Variants in RABGAP1 observed in about 807,000 individuals in gnomAD.
RABGAP1 encodes the protein RAB GTPase activating protein 1, also known as rab GTPase-activating protein 1.
Under a neutral mutation model 137.6 loss-of-function variants are expected in RABGAP1, and 23 were observed. The observed-to-expected ratio is 0.17, with a 90% CI of 0.12 to 0.24. The LOEUF is 0.24. RABGAP1 is among the 10% of genes least tolerant of loss of function. The probability of loss-of-function intolerance (pLI) is 1.00; values close to 1 mark genes in which losing one functional copy is unlikely to be tolerated. For missense variants in RABGAP1, 906 were observed against 1,275.8 expected (o/e 0.71, Z 4.42); for synonymous variants, 451 against 450.7 (o/e 1.00, Z -0.01).
At chr9:123,033,300 C>G (rs1229329529) in intron 13 of RABGAP1, among the ~76,000 whole-genome samples, 1 of 152,082 alleles carries the variant, frequency 6.6e-6, no homozygotes. Context: ...AGAAATTACC[C>G]CTCTGGTAGT....
chr9:122,947,779 G>T (rs1349500276), intron 1 of RABGAP1, among the ~76,000 whole-genome samples: 1 of 152,138 alleles, frequency 6.6e-6, no homozygotes, highest in African/African-American at 2.4e-5. Context: ...AACGTAACCT[G>T]AAATTAATCA....
Position 123,073,758 on chromosome 9 carries a change from G to C in RABGAP1, c.2109+81G>C, listed in dbSNP as rs2034429736. On this transcript the variant is annotated intron_variant, in intron 16 of 25. Transcript: ENST00000373647. ...CAAATTGAGGAAATGGTGCCAGGGA[G>C]CATTGGTAATTGCCTTAGCGATCCG... 3 of 1,570,846 alleles carry C rather than the reference G, an allele frequency of 1.9e-6. No homozygotes were observed. In the South Asian group the frequency reaches 3.5e-5, roughly 18 times the overall value.
intron 2 of RABGAP1, among the ~76,000 whole-genome samples, chr9:122,958,632 G>A (rs958182159): frequency 6.6e-6 from 1 of 152,130 alleles, no homozygotes; most frequent in Admixed American, 6.5e-5. Flanking sequence ...TGTGGCACAT[G>A]TATACATATG....
In RABGAP1 at chr9:122,957,167, A is replaced by G. The variant is rs2131623214; in HGVS notation, c.108A>G (p.Pro36=). The G allele has an allele frequency of 6.4e-7, 1 of 1,570,782 alleles. No individual in the cohort carries two copies. Among genetic ancestry groups the G allele is most frequent in the Non-Finnish European group, 8.7e-7 (1 of 1,149,784 alleles). Residue 36 remains proline, a synonymous_variant, in exon 2 of 26, where the codon CCA becomes CCG. Coordinates refer to ENST00000373647, the MANE Select transcript of RABGAP1 (RefSeq NM_012197.4). ...TTTCCAGGCAAGGAGATGAGACACC[A>G]TCTACAAATAATGGAAGTGATGATG... ...VLVSRQGDET[P]STNNGSDDEK...
At chr9:123,000,091 A>T (rs1837241555) in intron 10 of RABGAP1, among the ~76,000 whole-genome samples, 1 of 152,124 alleles carries the variant, frequency 6.6e-6, no homozygotes, top group African/African-American at 2.4e-5. Context: ...CCTTAAGCAT[A>T]ATTACAGTAC....
At chr9:123,066,588 C>T (rs1345255501) in intron 14 of RABGAP1, among the ~76,000 whole-genome samples, 1 of 152,168 alleles carries the variant, frequency 6.6e-6, no homozygotes, top group Non-Finnish European at 1.5e-5. Flanking sequence ...TTTTATCTCA[C>T]ACTACCTGCC....
intron 2 of RABGAP1, among the ~76,000 whole-genome samples, chr9:122,965,297 G>A (rs997814036): frequency 1.3e-5 from 2 of 152,156 alleles, no homozygotes; most frequent in African/African-American, 4.8e-5. Context: ...CAGAAAATTA[G>A]TGGTTGCCTA....
intron 2 of RABGAP1, among the ~76,000 whole-genome samples, chr9:122,980,490 GAAGAA>G (rs758621166): frequency 7.6e-4 from 116 of 152,326 alleles, no homozygotes; most frequent in Admixed American, 1.0e-3. Context: ...TCCAAGTCAA[GAAGAA>G]GAGAGAAAGG....
intron 1 of RABGAP1, among the ~76,000 whole-genome samples, chr9:122,947,665 T>G (rs1295787578): frequency 1.3e-5 from 2 of 152,210 alleles, no homozygotes; most frequent in East Asian, 3.8e-4. Context: ...TAGGCTCAAA[T>G]TTGCCTAAGC....
intron 1 of RABGAP1, among the ~76,000 whole-genome samples, chr9:122,954,109 G>C (rs1166020668): frequency 6.6e-6 from 1 of 152,212 alleles, no homozygotes; most frequent in African/African-American, 2.4e-5. Flanking sequence ...AAGAATTAGA[G>C]TAAGGGACTT....
intron 2 of RABGAP1, among the ~76,000 whole-genome samples, chr9:122,976,983 C>T (rs770069963): frequency 1.3e-5 from 2 of 152,084 alleles, no homozygotes; most frequent in Non-Finnish European, 2.9e-5. Context: ...ATGGTGGGTC[C>T]TGGGAAAGTT....
intron 1 of RABGAP1, among the ~76,000 whole-genome samples, chr9:122,948,495 A>T (rs1834057555): frequency 6.6e-6 from 1 of 152,212 alleles, no homozygotes. Context: ...AGGTGTGAAG[A>T]TTAGTAATAA....
chr9:123,081,198 A>C (rs1392489960), intron 19 of RABGAP1, among the ~76,000 whole-genome samples: 2 of 152,192 alleles, frequency 1.3e-5, no homozygotes, highest in Non-Finnish European at 2.9e-5. Context: ...TAATGTACAA[A>C]ATATGTATTA....
At chr9:123,035,364 G>A (rs199656950) in intron 13 of RABGAP1, 198 of 1,614,068 alleles carry the variant, frequency 1.2e-4, no homozygotes, top group Non-Finnish European at 1.6e-4. Flanking sequence ...TCCTCTGGTT[G>A]CCATATATCA....
chr9:123,049,176 A>G (rs1387616422), intron 13 of RABGAP1, among the ~76,000 whole-genome samples: 4 of 141,366 alleles, frequency 2.8e-5, no homozygotes, highest in African/African-American at 2.9e-5. Context: ...AGCTAATATA[A>G]TTCTAAAGTA....
chr9:122,936,566 T>C (rs1285728181), upstream of RABGAP1, among the ~76,000 whole-genome samples: 1 of 152,190 alleles, frequency 6.6e-6, no homozygotes. Flanking sequence ...CACGCAGCTG[T>C]ATCCACATTC....
intron 2 of RABGAP1, among the ~76,000 whole-genome samples, chr9:122,960,784 A>T (rs1834811962): frequency 6.6e-6 from 1 of 152,222 alleles, no homozygotes; most frequent in South Asian, 2.1e-4. Context: ...TGAAGGCGTG[A>T]TGATAGTTTC....
chr9:122,970,089 T>G (rs1324520572), intron 2 of RABGAP1, among the ~76,000 whole-genome samples: 3 of 151,728 alleles, frequency 2.0e-5, no homozygotes, highest in African/African-American at 7.3e-5. Flanking sequence ...TTTTTTTTTT[T>G]TCTTAGTAGA....
chr9:123,000,368 T>C (rs564891516), intron 10 of RABGAP1, among the ~76,000 whole-genome samples: 1 of 152,286 alleles, frequency 6.6e-6, no homozygotes, highest in East Asian at 1.9e-4. Flanking sequence ...TGGCCCCCAG[T>C]TGTTCTACCA....
Sources: allele counts gnomAD v4.1 joint callset (sites outside exome capture counted in the v4.1 genomes callset), GRCh38; gene constraint gnomAD v4.1.1; transcripts MANE v1.5; gene names NCBI Gene and HGNC (gene_info 2026-07-23, HGNC 2026-07-21).